The following GBE1 variants were observed in gnomAD, a reference collection of about 807,000 sequenced individuals.
GBE1 encodes 1,4-alpha-glucan branching enzyme 1, also known as 1,4-alpha-glucan-branching enzyme.
GBE1 carries 70 observed loss-of-function variants against 88.8 expected under a neutral mutation model. That is an observed-to-expected ratio of 0.79 (90% CI 0.65 to 0.96). GBE1 has a LOEUF of 0.96. GBE1 is among the 40% of genes least tolerant of loss of function. The probability of loss-of-function intolerance (pLI) is 0.00; values close to 1 mark genes in which losing one functional copy is unlikely to be tolerated. For missense variants in GBE1, 872 were observed against 871.0 expected (o/e 1.00, Z -0.01); for synonymous variants, 284 against 300.1 (o/e 0.95, Z 0.56).
At chr3:81,676,675 T>C (rs1705259642) in intron 2 of GBE1, among the ~76,000 whole-genome samples, 1 of 152,146 alleles carries the variant, frequency 6.6e-6, no homozygotes, top group Non-Finnish European at 1.5e-5. Context: ...AGTGCTGGGA[T>C]ACATGTGCAG....
At position 81,670,833 on chromosome 3, in the gene GBE1, A is replaced by C. The variant is rs373240805; in HGVS notation, c.429+5T>G. ...TTCAAGAAAAAATAGGAGGGAGGAA[A>C]GTACCTTTAATTTGGATCCATGAGG... is the stretch of plus-strand genomic sequence containing the variant. On this transcript the variant is annotated splice_donor_5th_base_variant and intron_variant, in intron 3 of 15. Coordinates refer to ENST00000429644, the MANE Select transcript of GBE1 (RefSeq NM_000158.4). 31 of 1,455,628 alleles carry C rather than the reference A, an allele frequency of 2.1e-5. No individual in the cohort carries two copies. The African/African-American group carries it at 3.8e-4, about 18-fold the overall frequency. 90.2% of individuals were successfully genotyped at this position (1,455,628 alleles called of 1,614,324 possible).
At chr3:81,547,122 A>G (rs1703215818) in intron 12 of GBE1, among the ~76,000 whole-genome samples, 1 of 151,432 alleles carries the variant, frequency 6.6e-6, no homozygotes, top group Non-Finnish European at 1.5e-5. Context: ...CGTGGGGTGC[A>G]TATACCCGAG....
chr3:81,660,037 A>G lies in GBE1; in HGVS notation c.430-10116T>C, dbSNP rs544765353. ...TTAGAGTAAAAAGAACTGGAAATAGATATGTATGTACAATGATGAAAGTAA... is the reference window on the plus strand; with the variant it reads ...TTAGAGTAAAAAGAACTGGAAATAGGTATGTATGTACAATGATGAAAGTAA... On this transcript the variant is annotated intron_variant, in intron 3 of 15. Transcript: ENST00000429644. Among the ~76,000 whole-genome samples, 358 of 132,558 alleles carry G rather than the reference A, an allele frequency of 2.7e-3. 1 individual carries two copies. The highest frequency in any genetic ancestry group is 0.012 in the African/African-American group (337 of 28,714). 87.0% of individuals were successfully genotyped at this position (132,558 alleles called of 152,430 possible).
chr3:81,657,519 T>A (rs947510898), intron 3 of GBE1, among the ~76,000 whole-genome samples: 1 of 152,140 alleles, frequency 6.6e-6, no homozygotes, highest in African/African-American at 2.4e-5. Flanking sequence ...GGAATTAAAA[T>A]AAAGAGATCA....
At chr3:81,632,583 T>C (rs559243198) in intron 7 of GBE1, among the ~76,000 whole-genome samples, 2 of 152,210 alleles carry the variant, frequency 1.3e-5, no homozygotes, top group South Asian at 2.1e-4. Flanking sequence ...TGTGGAGAAA[T>C]AGGAACGCTT....
intron 2 of GBE1, among the ~76,000 whole-genome samples, chr3:81,692,606 T>C (rs1705537795): frequency 6.6e-6 from 1 of 152,206 alleles, no homozygotes; most frequent in Non-Finnish European, 1.5e-5. Flanking sequence ...TTTGATCCAA[T>C]ATACTGTTAT....
chr3:81,512,682 C>T (rs538586248), intron 14 of GBE1, among the ~76,000 whole-genome samples: 28 of 151,900 alleles, frequency 1.8e-4, no homozygotes, highest in African/African-American at 5.5e-4. Context: ...ACTAGAAATA[C>T]GACCTTGTGA....
At chr3:81,512,365 A>G (rs963855770) in intron 14 of GBE1, among the ~76,000 whole-genome samples, 60 of 152,058 alleles carry the variant, frequency 3.9e-4, no homozygotes, top group African/African-American at 1.3e-3. Flanking sequence ...TATGCTATGA[A>G]TCTAAATAAA....
chr3:81,730,017 G>A (rs1461816683), intron 1 of GBE1, among the ~76,000 whole-genome samples: 1 of 152,078 alleles, frequency 6.6e-6, no homozygotes, highest in Admixed American at 6.6e-5. Context: ...ACTTATTCTG[G>A]GTGTAGATTT....
chr3:81,683,091 C>T (rs866373495), intron 2 of GBE1, among the ~76,000 whole-genome samples: 26 of 152,168 alleles, frequency 1.7e-4, no homozygotes, highest in South Asian at 6.2e-4. Context: ...GCTGGGGAAA[C>T]GGTAGGATGA....
intron 3 of GBE1, among the ~76,000 whole-genome samples, chr3:81,667,564 A>G (rs1036489916): frequency 3.3e-5 from 5 of 152,164 alleles, no homozygotes; most frequent in South Asian, 2.1e-4. Flanking sequence ...CCCATTCAAT[A>G]TGATATTAGT....
chr3:81,524,944 A>G (rs1438103639), intron 14 of GBE1, among the ~76,000 whole-genome samples: 1 of 151,884 alleles, frequency 6.6e-6, no homozygotes, highest in East Asian at 1.9e-4. Context: ...TTATTTGACA[A>G]ATATCATTGG....
intron 2 of GBE1, among the ~76,000 whole-genome samples, chr3:81,685,500 G>T (rs556272455): frequency 1.3e-5 from 2 of 152,058 alleles, no homozygotes; most frequent in African/African-American, 4.8e-5. Context: ...TCCTGCCCCA[G>T]CCTCCCAAGC....
At chr3:81,510,428 T>C (rs909962745) in intron 14 of GBE1, among the ~76,000 whole-genome samples, 1 of 152,080 alleles carries the variant, frequency 6.6e-6, no homozygotes, top group Non-Finnish European at 1.5e-5. Flanking sequence ...CACTCAGTGC[T>C]TTAGAAAGCC....
chr3:81,709,885 T>A (rs1478187001), intron 1 of GBE1, among the ~76,000 whole-genome samples: 1 of 152,148 alleles, frequency 6.6e-6, no homozygotes, highest in African/African-American at 2.4e-5. Context: ...CTCCTAATAT[T>A]TTGCTATGGA....
chr3:81,549,886 T>C (rs2106892213), intron 12 of GBE1, among the ~76,000 whole-genome samples: 1 of 151,694 alleles, frequency 6.6e-6, no homozygotes, highest in Non-Finnish European at 1.5e-5. Flanking sequence ...AGAACTATAG[T>C]ACACTTGTTA....
chr3:81,734,416 A>G (rs1706228914), intron 1 of GBE1, among the ~76,000 whole-genome samples: 1 of 132,304 alleles, frequency 7.6e-6, no homozygotes, highest in African/African-American at 3.5e-5. Flanking sequence ...CATTTGGGGA[A>G]AAAAACCTAT....
At chr3:81,547,940 G>A in intron 12 of GBE1, among the ~76,000 whole-genome samples, 1 of 151,292 alleles carries the variant, frequency 6.6e-6, no homozygotes, top group Non-Finnish European at 1.5e-5. Context: ...AAACAAAACT[G>A]GATGAAGTTC....
At chr3:81,732,199 T>C (rs1356608015) in intron 1 of GBE1, among the ~76,000 whole-genome samples, 2 of 152,000 alleles carry the variant, frequency 1.3e-5, no homozygotes, top group South Asian at 2.1e-4. Context: ...TTAAGCCACG[T>C]CAAAAAATAA....
Sources: allele counts gnomAD v4.1 joint callset (sites outside exome capture counted in the v4.1 genomes callset), GRCh38; gene constraint gnomAD v4.1.1; transcripts MANE v1.5; gene names NCBI Gene and HGNC (gene_info 2026-07-23, HGNC 2026-07-21).